The following KDM4C variants were observed in gnomAD, a reference collection of about 807,000 sequenced individuals.
KDM4C encodes lysine demethylase 4C, also known as lysine-specific demethylase 4C.
KDM4C carries 81 observed loss-of-function variants against 129.3 expected under a neutral mutation model. That is an observed-to-expected ratio of 0.63 (90% CI 0.52 to 0.75). The LOEUF (loss-of-function observed/expected upper bound fraction) is 0.75. KDM4C is among the 30% of genes least tolerant of loss of function. The pLI, the probability that KDM4C is intolerant of heterozygous loss-of-function variation, is 0.00. For synonymous variants in KDM4C, 573 were observed against 456.1 expected (o/e 1.26, Z -3.26); for missense variants, 1,457 against 1,304.0 (o/e 1.12, Z -1.81).
At chr9:7,042,822 A>C (rs143132361) in intron 15 of KDM4C, among the ~76,000 whole-genome samples, 1 of 152,038 alleles carries the variant, frequency 6.6e-6, no homozygotes, top group East Asian at 1.9e-4. Flanking sequence ...TTGAATCTCA[A>C]TTGTTCTCCT....
At chr9:6,877,141 G>T (rs1843685212) in intron 5 of KDM4C, among the ~76,000 whole-genome samples, 1 of 152,184 alleles carries the variant, frequency 6.6e-6, no homozygotes, top group Non-Finnish European at 1.5e-5. Flanking sequence ...CTGGTAATTA[G>T]AGGTGTTAGT....
chr9:6,895,105 CT>C (rs1256520055), intron 8 of KDM4C, among the ~76,000 whole-genome samples: 1 of 152,186 alleles, frequency 6.6e-6, no homozygotes, highest in Non-Finnish European at 1.5e-5. Context: ...CCACCCCTTA[CT>C]TCCTTTGGCC....
At chr9:7,018,902 C>G (rs1586948247) in intron 15 of KDM4C, among the ~76,000 whole-genome samples, 1 of 152,182 alleles carries the variant, frequency 6.6e-6, no homozygotes, top group East Asian at 1.9e-4. Flanking sequence ...AATATTGAAA[C>G]TATGTAAATC....
intron 12 of KDM4C, among the ~76,000 whole-genome samples, chr9:6,992,576 G>T (rs1308473003): frequency 6.6e-6 from 1 of 152,146 alleles, no homozygotes; most frequent in African/African-American, 2.4e-5. Flanking sequence ...GTTGCCCGAA[G>T]TAAATTATTT....
intron 15 of KDM4C, among the ~76,000 whole-genome samples, chr9:7,028,248 C>T (rs934793448): frequency 6.6e-6 from 1 of 151,956 alleles, no homozygotes; most frequent in Non-Finnish European, 1.5e-5. Flanking sequence ...TCACGGGGTA[C>T]CATCTGGGTA....
intron 1 of KDM4C, among the ~76,000 whole-genome samples, chr9:6,787,206 T>C (rs569743703): frequency 6.6e-6 from 1 of 152,362 alleles, no homozygotes; most frequent in East Asian, 1.9e-4. Flanking sequence ...ACAATTTCTG[T>C]GCCTCAATTT....
At chr9:6,931,625 T>A (rs1357390133) in intron 8 of KDM4C, among the ~76,000 whole-genome samples, 1 of 152,092 alleles carries the variant, frequency 6.6e-6, no homozygotes, top group Non-Finnish European at 1.5e-5. Context: ...CTCAGCCTCC[T>A]GAGTAGCTGG....
chr9:6,778,927 G>C (rs1448722768), intron 1 of KDM4C, among the ~76,000 whole-genome samples: 1 of 151,134 alleles, frequency 6.6e-6, no homozygotes, highest in Non-Finnish European at 1.5e-5. Context: ...TCACCATGTT[G>C]GCCAAGCTGG....
chr9:6,866,573 C>T (rs917919892), intron 5 of KDM4C, among the ~76,000 whole-genome samples: 1 of 152,110 alleles, frequency 6.6e-6, no homozygotes. Context: ...CTCTTTGTGT[C>T]TGGCTGTCTT....
chr9:7,031,127 C>G (rs1430390498), intron 15 of KDM4C, among the ~76,000 whole-genome samples: 2 of 138,324 alleles, frequency 1.4e-5, no homozygotes, highest in African/African-American at 5.5e-5. Flanking sequence ...CTTTATTTTA[C>G]TTGTTTATTT....
chr9:6,753,697 A>G (rs1473664191), upstream of KDM4C, among the ~76,000 whole-genome samples: 2 of 152,166 alleles, frequency 1.3e-5, no homozygotes, highest in African/African-American at 4.8e-5. Flanking sequence ...GCAGAAGGAC[A>G]AAGAACAAGA....
At chr9:6,926,460 C>A (rs1822578884) in intron 8 of KDM4C, among the ~76,000 whole-genome samples, 1 of 151,694 alleles carries the variant, frequency 6.6e-6, no homozygotes. Context: ...ATTTTGTGGC[C>A]ATATTCAGTT....
At chr9:7,090,379 G>T (rs950731469) in intron 17 of KDM4C, among the ~76,000 whole-genome samples, 1 of 152,200 alleles carries the variant, frequency 6.6e-6, no homozygotes. Context: ...TATCAGCAGG[G>T]AGGGTAGGCA....
chr9:7,031,597 G>T (rs1195714285), intron 15 of KDM4C, among the ~76,000 whole-genome samples: 1 of 151,938 alleles, frequency 6.6e-6, no homozygotes, highest in Non-Finnish European at 1.5e-5. Context: ...CTATTTTGGT[G>T]GCTGTTTATG....
At chr9:6,789,330 C>T (rs1321055297) in intron 1 of KDM4C, among the ~76,000 whole-genome samples, 2 of 150,844 alleles carry the variant, frequency 1.3e-5, no homozygotes, top group Non-Finnish European at 1.5e-5. Context: ...AAGCAATTCT[C>T]CCGCCTCAGC....
At chr9:6,842,960 C>G (rs896098926) in intron 4 of KDM4C, among the ~76,000 whole-genome samples, 1 of 152,132 alleles carries the variant, frequency 6.6e-6, no homozygotes, top group African/African-American at 2.4e-5. Flanking sequence ...GACAGAGTCT[C>G]GCTCTGTTGC....
At chr9:7,052,901 G>GAGAGAGA (rs71315575) in intron 17 of KDM4C, among the ~76,000 whole-genome samples, 1 of 150,492 alleles carries the variant, frequency 6.6e-6, no homozygotes, top group African/African-American at 2.4e-5. Context: ...GAGAGAGAGA[G>GAGAGAGA]CGAGCGAGTG....
At chr9:6,985,476 G>A (rs771256337) in intron 10 of KDM4C, among the ~76,000 whole-genome samples, 4 of 151,178 alleles carry the variant, frequency 2.6e-5, no homozygotes, top group Middle Eastern at 3.2e-3. Flanking sequence ...GCATTATAGA[G>A]ATTGCATAGG....
chr9:7,074,589 T>C (rs1208314674), intron 17 of KDM4C, among the ~76,000 whole-genome samples: 1 of 152,228 alleles, frequency 6.6e-6, no homozygotes, highest in Non-Finnish European at 1.5e-5. Flanking sequence ...TAAGTTTTGA[T>C]CAAGTCCACG....
Sources: allele counts gnomAD v4.1 joint callset (sites outside exome capture counted in the v4.1 genomes callset), GRCh38; gene constraint gnomAD v4.1.1; transcripts MANE v1.5; gene names NCBI Gene and HGNC (gene_info 2026-07-23, HGNC 2026-07-21).